DOK1: variants seen among roughly 807,000 people sequenced by gnomAD.
The protein encoded by DOK1 is docking protein 1.
A neutral mutation model predicts 24.0 loss-of-function variants in DOK1; 12 were observed. That is an observed-to-expected ratio of 0.50 (90% CI 0.32 to 0.81). DOK1 has a LOEUF of 0.81. Ranked by LOEUF, DOK1 falls within the 30% of genes least tolerant of loss-of-function variation. DOK1 has a pLI of 0.03. For missense variants in DOK1, 591 were observed against 620.7 expected (o/e 0.95, Z 0.51); for synonymous variants, 250 against 260.9 (o/e 0.96, Z 0.40).
chr2:74,554,246 GC>G, upstream of DOK1: 1 of 155,978 alleles, frequency 6.4e-6, no homozygotes. This position sits in a 1 kb window ranked among gnomAD's most constrained non-coding sequence, Gnocchi z 4.9. Context: ...CGGCGGGGCG[GC>G]CCCGGTGGTG....
Position 74,556,152 on chromosome 2 carries a change from A to G in DOK1, c.639+74A>G, listed in dbSNP as rs1677447979. ...GGGTGGGGCAGGACAGAAAGTGGGA[A>G]GCTCTGACCTTTGGATCCCCCTTTC... On this transcript the variant is annotated intron_variant, in intron 4 of 4. Transcript: ENST00000233668. The surrounding 1 kb of genome is among the most constrained non-coding windows in gnomAD (Gnocchi z 4.1). 8 of 1,530,096 alleles carry G rather than the reference A, an allele frequency of 5.2e-6. No individual in the cohort carries two copies. Among genetic ancestry groups the G allele is most frequent in the Non-Finnish European group, 8.8e-7 (1 of 1,138,906 alleles). The allele number at this position is 1,530,096 out of a possible 1,614,324, so 94.8% of individuals were successfully genotyped here.
chr2:74,554,589 T>G (rs984576205), upstream of DOK1: 2 of 635,800 alleles, frequency 3.1e-6, no homozygotes, highest in South Asian at 2.0e-5. The surrounding 1 kb of genome is among the most constrained non-coding windows in gnomAD (Gnocchi z 4.9). Flanking sequence ...AATCCGGGGG[T>G]CTCCACCATT....
upstream of DOK1, among the ~76,000 whole-genome samples, chr2:74,550,798 G>A (rs1353943898): frequency 2.6e-5 from 4 of 152,134 alleles, no homozygotes; most frequent in South Asian, 4.1e-4. Context: ...AAGCCAATAC[G>A]TGGGGGCTTA....
At position 74,557,056 on chromosome 2, in the gene DOK1, G is replaced by A. The variant is rs779117230; in HGVS notation, c.1388G>A (p.Cys463Tyr). Residue 463 changes from cysteine to tyrosine, a missense_variant, in exon 5 of 5, where the codon TGT becomes TAT. Transcript: ENST00000233668. ...QKSGASGSWDCGLSRVGTDKT... is the reference protein window; with the variant it reads ...QKSGASGSWDYGLSRVGTDKT... ...AGCGGGGCCTCAGGGAGCTGGGACTGTGGGCTCTCTAGAGTAGGGACTGAC... is the reference window on the plus strand; with the variant it reads ...AGCGGGGCCTCAGGGAGCTGGGACTATGGGCTCTCTAGAGTAGGGACTGAC... 1.2e-6 allele frequency: 2 copies of A among 1,613,942 alleles called. No homozygotes were observed. Among genetic ancestry groups the A allele is most frequent in the Non-Finnish European group, 1.7e-6 (2 of 1,179,992 alleles).
At chr2:74,552,384 C>T (rs372708796), upstream of DOK1, 190 of 1,613,006 alleles carry the variant, frequency 1.2e-4, 2 homozygotes, top group South Asian at 1.6e-3. Flanking sequence ...GCCCAGCTCC[C>T]GGCAGAGGAT....
upstream of DOK1, chr2:74,552,532 T>G (rs998524584): frequency 2.2e-5 from 35 of 1,612,892 alleles, no homozygotes; most frequent in Non-Finnish European, 3.0e-5. Context: ...CCGGCCTTCT[T>G]CTCAGGGCCC....
chr2:74,552,628 G>A (rs1558632386), upstream of DOK1: 1 of 1,555,320 alleles, frequency 6.4e-7, no homozygotes, highest in African/African-American at 1.4e-5. Context: ...ACACTGACAG[G>A]TCGCATGGCA....
At chr2:74,550,934 G>GT (rs1030182702), upstream of DOK1, among the ~76,000 whole-genome samples, 4,206 of 135,266 alleles carry the variant, frequency 0.031, 81 homozygotes, top group Non-Finnish European at 0.035. Context: ...TCTGAAACCT[G>GT]TTTTTTTTTT....
At chr2:74,552,749 A>G, upstream of DOK1, 2 of 1,019,532 alleles carry the variant, frequency 2.0e-6, no homozygotes, top group Non-Finnish European at 2.8e-6. Flanking sequence ...GACACTGAGT[A>G]AGACAGAGAC....
chr2:74,549,694 G>A lies in DOK1; in HGVS notation c.-358+522G>A. The A allele has an allele frequency of 6.9e-7, 1 of 1,453,930 alleles. No individual in the cohort carries two copies. Among genetic ancestry groups the A allele is most frequent in the Non-Finnish European group, 9.1e-7 (1 of 1,099,060 alleles). The allele number at this position is 1,453,930 out of a possible 1,614,324, so 90.1% of individuals were successfully genotyped here. ...CCTGCTGTAAACCCAGTGGCGGGAT[G>A]GGCCCGAGGCGGCGCTGAGAGAGCG... is the stretch of plus-strand genomic sequence containing the variant. On this transcript the variant is annotated intron_variant, in intron 1 of 4. Coordinates refer to the DOK1 transcript ENST00000409429. This position sits in a 1 kb window ranked among gnomAD's most constrained non-coding sequence, Gnocchi z 5.3.
At position 74,556,027 on chromosome 2, in the gene DOK1, G is replaced by A; in HGVS notation, c.588G>A (p.Glu196=). 1 of 1,612,702 alleles carries A rather than the reference G, an allele frequency of 6.2e-7. No homozygotes were observed. The highest frequency in any genetic ancestry group is 1.1e-5 in the South Asian group (1 of 90,906). ...TGGGGGCCCAGAGTCAGATACTGGA[G>A]CCACTCCTGTCCTGGCCCTACACTC... ...LTVGAQSQIL[E]PLLSWPYTLL... The change falls in exon 4 of 5, where the codon GAG becomes GAA. Residue 196 remains glutamate, a synonymous_variant. Coordinates refer to ENST00000233668, the MANE Select transcript of DOK1 (RefSeq NM_001381.5). The surrounding 1 kb of genome is among the most constrained non-coding windows in gnomAD (Gnocchi z 4.1).
Position 74,549,143 on chromosome 2 carries a change from G to C in DOK1, c.-387G>C, listed in dbSNP as rs1676817535. The C allele has an allele frequency of 4.7e-6, 2 of 427,376 alleles. No individual in the cohort carries two copies. Among genetic ancestry groups the C allele is most frequent in the Non-Finnish European group, 8.0e-6 (2 of 249,604 alleles). The allele number at this position is 427,376 out of a possible 1,614,324, so 26.5% of individuals were successfully genotyped here. ...GCCCGCCCAGGCGTCGGCCACGAGA[G>C]AGCGGGAGCCTCGCTGGTCCCCATT... is the stretch of plus-strand genomic sequence containing the variant. On this transcript the variant is annotated 5_prime_UTR_variant, in exon 1 of 5. Coordinates refer to the DOK1 transcript ENST00000409429. This position sits in a 1 kb window ranked among gnomAD's most constrained non-coding sequence, Gnocchi z 5.3.
In DOK1 at chr2:74,555,939, G is replaced by T. The variant is rs138798108; in HGVS notation, c.500G>T (p.Arg167Leu). 9 of 1,613,348 alleles carry T rather than the reference G, an allele frequency of 5.6e-6. No individual in the cohort carries two copies. Among genetic ancestry groups the T allele is most frequent in the African/African-American group, 1.3e-5 (1 of 75,036 alleles). ...GTGCAGAGGACTGAGGCCGCCGAGC[G>T]CTGTGGCCTGCATGGCTCCTACGTG... ...VTVQRTEAAE[R>L]CGLHGSYVLR... Residue 167 changes from arginine to leucine, a missense_variant, in exon 4 of 5, where the codon CGC (arginine) becomes CTC (leucine). Physicochemically the swap from Arg to Leu is moderately radical, Grantham distance 102. Transcript: ENST00000233668. This position sits in a 1 kb window ranked among gnomAD's most constrained non-coding sequence, Gnocchi z 6.1.
chr2:74,556,798 A>G lies in DOK1; in HGVS notation c.1130A>G (p.Tyr377Cys), dbSNP rs1183834086. The part of the protein sequence containing the change: ...GLAPVPPQGL[Y>C]DLPREPKDAW... ...GCCCCAGTCCCTCCCCAGGGCCTTT[A>G]TGATCTGCCTCGGGAGCCCAAGGAT... The change falls in exon 5 of 5, where the codon TAT (tyrosine) becomes TGT (cysteine). Residue 377 changes from tyrosine (Y) to cysteine (C), a missense_variant. Transcript: ENST00000233668. The surrounding 1 kb of genome is among the most constrained non-coding windows in gnomAD (Gnocchi z 4.1). The G allele has an allele frequency of 6.2e-7, 1 of 1,614,130 alleles. No individual in the cohort carries two copies. Among genetic ancestry groups the G allele is most frequent in the Non-Finnish European group, 8.5e-7 (1 of 1,180,006 alleles).
upstream of DOK1, chr2:74,549,897 G>T: frequency 1.0e-6 from 1 of 985,478 alleles, no homozygotes; most frequent in East Asian, 1.1e-4. The surrounding 1 kb of genome is among the most constrained non-coding windows in gnomAD (Gnocchi z 5.3). Context: ...GAAGGAAGAT[G>T]TCTCAGGAAA....
Position 74,555,654 on chromosome 2 carries a change from G to C in DOK1, c.440G>C (p.Ser147Thr), listed in dbSNP as rs759604626. Residue 147 changes from serine (S) to threonine (T), a missense_variant, in exon 3 of 5, where the codon AGC becomes ACC. Transcript: ENST00000233668. This position sits in a 1 kb window ranked among gnomAD's most constrained non-coding sequence, Gnocchi z 6.1. ...ALEMLENSLYSPTWEGSQFWV... is the reference protein window; with the variant it reads ...ALEMLENSLYTPTWEGSQFWV... ...GAGATGCTGGAGAACTCCTTGTACA[G>C]CCCTACCTGGGAAGGTAGACGCCTC... 1 of 1,614,052 alleles carries C rather than the reference G, an allele frequency of 6.2e-7. No homozygotes were observed.
At position 74,554,881 on chromosome 2, in the gene DOK1, G is replaced by C. The variant is rs1472094527; in HGVS notation, c.60+67G>C. On this transcript the variant is annotated intron_variant, in intron 1 of 4. Transcript: ENST00000233668. The surrounding 1 kb of genome is among the most constrained non-coding windows in gnomAD (Gnocchi z 4.9). ...GTGGGTGAGAGAGCCCAGAAACAGG[G>C]AGAGGTGGGCAGCGGGCTGGAGAGC... The C allele has an allele frequency of 6.3e-7, 1 of 1,599,716 alleles. No individual in the cohort carries two copies. The highest frequency in any genetic ancestry group is 8.5e-7 in the Non-Finnish European group (1 of 1,172,970).
upstream of DOK1, chr2:74,554,632 CCCCCCCAGCG>C (rs1677264378): frequency 2.3e-6 from 2 of 884,150 alleles, no homozygotes; most frequent in Admixed American, 2.7e-5. This position sits in a 1 kb window ranked among gnomAD's most constrained non-coding sequence, Gnocchi z 4.9. Flanking sequence ...CCCACCGCGA[CCCCCCCAGCG>C]GCTGCCGGCG....
chr2:74,551,389 T>C (rs570925643), upstream of DOK1, among the ~76,000 whole-genome samples: 2 of 152,346 alleles, frequency 1.3e-5, no homozygotes, highest in South Asian at 4.1e-4. Flanking sequence ...CCAGACTGTG[T>C]AACCATCAAA....
Sources: gnomAD v4.1 joint callset for allele counts (sites outside exome capture counted in the v4.1 genomes callset) on GRCh38, gnomAD v4.1.1 for gene constraint, Gnocchi (gnomAD v3.1) non-coding constraint, MANE v1.5 for transcripts, NCBI Gene and HGNC (gene_info 2026-07-23, HGNC 2026-07-21) for gene names.